Variants in VIL1 observed in about 807,000 individuals in gnomAD.
VIL1 encodes villin-1.
VIL1 carries 86 observed loss-of-function variants against 104.0 expected under a neutral mutation model. The observed-to-expected ratio is 0.83, with a 90% confidence interval of 0.69 to 0.99. The LOEUF (loss-of-function observed/expected upper bound fraction) is 0.99. VIL1 is among the 50% of genes least tolerant of loss of function. The pLI is 0.00. For missense variants in VIL1, 944 were observed against 1,054.1 expected, an observed-to-expected ratio of 0.90 and a Z score of 1.45; for synonymous variants, 394 against 412.6, an observed-to-expected ratio of 0.95 and a Z score of 0.55.
chr2:218,422,396 G>A (rs1157034429), intron 1 of VIL1, among the ~76,000 whole-genome samples: 1 of 152,210 alleles, frequency 6.6e-6, no homozygotes, highest in Admixed American at 6.5e-5. Context: ...TGGGGACTTG[G>A]TAGGTTGAAA....
chr2:218,434,496 T>C, intron 13 of VIL1, 30 bp from the exon 14 acceptor site: 2 of 1,587,738 alleles, frequency 1.3e-6, no homozygotes, highest in Non-Finnish European at 1.7e-6. Flanking sequence ...CTCCTGACTC[T>C]CTCTCCCTGT....
intron 13 of VIL1, among the ~76,000 whole-genome samples, chr2:218,433,154 G>C (rs1240074531): frequency 1.3e-5 from 2 of 152,234 alleles, no homozygotes; most frequent in African/African-American, 4.8e-5. Context: ...CGTGTAATTG[G>C]GCCGGGCATG....
chr2:218,424,171 G>A, intron 2 of VIL1, 106 bp from the exon 3 acceptor site: 1 of 954,158 alleles, frequency 1.0e-6, no homozygotes, highest in Non-Finnish European at 1.6e-6. Flanking sequence ...TTTCATTCCT[G>A]GGCCCGGCTC....
At chr2:218,440,516 C>T (rs1689268493) in intron 18 of VIL1, among the ~76,000 whole-genome samples, 1 of 152,144 alleles carries the variant, frequency 6.6e-6, no homozygotes, top group Non-Finnish European at 1.5e-5. Context: ...GTGATCCACC[C>T]ACCTCAGCCT....
chr2:218,429,828 T>A, intron 8 of VIL1, 21 bp from the exon 9 acceptor site: 1 of 1,609,282 alleles, frequency 6.2e-7, no homozygotes, highest in South Asian at 1.1e-5. Flanking sequence ...TCCATCAGAC[T>A]CTTACCTCTC....
At chr2:218,438,823 T>C in intron 18 of VIL1, 97 bp downstream of exon 18, 2 of 1,002,234 alleles carry the variant, frequency 2.0e-6, no homozygotes, top group Non-Finnish European at 3.0e-6. Flanking sequence ...CAGAGTCCTG[T>C]GCTTTCCCTC....
At chr2:218,434,366 G>A (rs973928604) in intron 13 of VIL1, among the ~76,000 whole-genome samples, 160 bp from the exon 14 acceptor site, 11 of 152,106 alleles carry the variant, frequency 7.2e-5, no homozygotes, top group African/African-American at 2.4e-4. Flanking sequence ...AAAGAGAAAC[G>A]CTGTGATGCA....
At chr2:218,425,523 A>G (rs1688966628) in intron 3 of VIL1, 92 bp from the exon 4 acceptor site, 2 of 1,354,168 alleles carry the variant, frequency 1.5e-6, no homozygotes, top group South Asian at 2.6e-5. Context: ...GCTCCCCCAT[A>G]GTCCTGGACG....
At chr2:218,422,475 C>T (rs1309922141) in intron 1 of VIL1, among the ~76,000 whole-genome samples, 1 of 152,146 alleles carries the variant, frequency 6.6e-6, no homozygotes, top group African/African-American at 2.4e-5. Flanking sequence ...TCAGACAGGA[C>T]CCAAGCCCAA....
At position 218,429,731 on chromosome 2, in the gene VIL1, G is replaced by A. The variant is rs113629852; in HGVS notation, c.849+56G>A. ...TGCAGCCTGGCCCCCTTTCCCTCAA[G>A]CAGGAAAAATTCCAGGGGGCTTGGG... is the stretch of plus-strand genomic sequence containing the variant. On this transcript the variant is annotated intron_variant, in intron 8 of 19. Transcript: ENST00000248444. 2.3e-3 allele frequency: 3,735 copies of A among 1,607,006 alleles called. 86 individuals carry two copies. In the African/African-American group the frequency reaches 0.044, roughly 19 times the overall value.
intron 3 of VIL1, among the ~76,000 whole-genome samples, chr2:218,425,103 CAG>C (rs1688957094): frequency 6.6e-6 from 1 of 150,660 alleles, no homozygotes; most frequent in Non-Finnish European, 1.5e-5. Flanking sequence ...TTTTTTGAGA[CAG>C]AGTCTCGCTC....
rs903227924 is a variant in VIL1 at position 218,452,395 on chromosome 2, T to A, written c.*3059T>A. 28 of 152,118 alleles carry A rather than the reference T, an allele frequency of 1.8e-4. No individual in the cohort carries two copies. Among genetic ancestry groups the A allele is most frequent in the Non-Finnish European group, 3.7e-4 (25 of 68,016 alleles). 9.4% of individuals were successfully genotyped at this position (152,118 alleles called of 1,614,324 possible). On this transcript the variant is annotated 3_prime_UTR_variant, in exon 20 of 20. Coordinates refer to ENST00000248444, the MANE Select transcript of VIL1 (RefSeq NM_007127.3). ...ATAATATATTATCTATTTATAATTT[T>A]AAAATATATACAGCCAGCTCAAAAA...
rs751585257 is a variant in VIL1 at position 218,434,566 on chromosome 2, C to T, written c.1541C>T (p.Ser514Phe). Residue 514 changes from serine to phenylalanine, a missense_variant, in exon 14 of 20, where the codon TCC becomes TTC. By Grantham distance (155) the Ser-to-Phe change is radical. Coordinates refer to ENST00000248444, the MANE Select transcript of VIL1 (RefSeq NM_007127.3). ...ACTAACAACTTGGAGACCGGGCCCTCCACACGGCTGTTCCAGGTCCAGGGA... is the reference window on the plus strand; with the variant it reads ...ACTAACAACTTGGAGACCGGGCCCTTCACACGGCTGTTCCAGGTCCAGGGA... ...SRTNNLETGPSTRLFQVQGTG... is the reference protein window; with the variant it reads ...SRTNNLETGPFTRLFQVQGTG... The T allele has an allele frequency of 6.2e-7, 1 of 1,614,052 alleles. No homozygotes were observed. Among genetic ancestry groups the T allele is most frequent in the South Asian group, 1.1e-5 (1 of 91,074 alleles).
At position 218,428,309 on chromosome 2, in the gene VIL1, CGGAAA is replaced by C; in HGVS notation, c.541_545del (p.Glu181HisfsTer34). ...AAGCTTATCATCCAGTGGAATGGACCGGAAAGCACCCGTATGGAGAGACTCAGGGT... is the reference window on the plus strand; with the variant it reads ...AAGCTTATCATCCAGTGGAATGGACCGCACCCGTATGGAGAGACTCAGGGT... On this transcript the variant is annotated frameshift_variant, in exon 6 of 20. Transcript: ENST00000248444. LOFTEE classifies it high-confidence loss of function. 6.2e-7 allele frequency: 1 copy of C among 1,614,134 alleles called. No homozygotes were observed. Among genetic ancestry groups the C allele is most frequent in the Non-Finnish European group, 8.5e-7 (1 of 1,180,020 alleles).
chr2:218,433,644 C>T (rs1008165719), intron 13 of VIL1, among the ~76,000 whole-genome samples: 7 of 152,052 alleles, frequency 4.6e-5, no homozygotes, highest in Non-Finnish European at 8.8e-5. Context: ...TGGTGGTTCA[C>T]GCCTGTAATC....
Position 218,449,402 on chromosome 2 carries a change from A to G in VIL1, c.*66A>G, listed in dbSNP as rs1574822728. 1.8e-5 allele frequency: 24 copies of G among 1,331,146 alleles called. No homozygotes were observed. The East Asian group carries it at 5.6e-4, about 31-fold the overall frequency. 82.5% of individuals were successfully genotyped at this position (1,331,146 alleles called of 1,614,324 possible). On this transcript the variant is annotated 3_prime_UTR_variant, in exon 20 of 20. Transcript: ENST00000248444. ...TGTAGGGTCTCATTTTCTCACCGAT[A>G]TTAGTCCTACACCAATTGAAGTGAA...
At position 218,425,723 on chromosome 2, in the gene VIL1, G is replaced by A; in HGVS notation, c.259G>A (p.Asp87Asn). Residue 87 changes from aspartate (D) to asparagine (N), a missense_variant, in exon 4 of 20, where the codon GAC becomes AAC. Transcript: ENST00000248444. ...TGCCATCTACACCACACAGATGGATGACTTCCTGAAGGGCCGGGCTGTGCA... is the reference window on the plus strand; with the variant it reads ...TGCCATCTACACCACACAGATGGATAACTTCCTGAAGGGCCGGGCTGTGCA... ...AAAIYTTQMD[D>N]FLKGRAVQHR... 6.2e-7 allele frequency: 1 copy of A among 1,614,220 alleles called. No individual in the cohort carries two copies. The highest frequency in any genetic ancestry group is 8.5e-7 in the Non-Finnish European group (1 of 1,180,036).
Position 218,421,293 on chromosome 2 carries a change from G to A in VIL1, c.-12+2125G>A, listed in dbSNP as rs115952532. On this transcript the variant is annotated intron_variant, in intron 1 of 19. Coordinates refer to ENST00000248444, the MANE Select transcript of VIL1 (RefSeq NM_007127.3). Reference sequence around the variant, plus strand: ...AGTGGGGAGACTCAAGGGAGTTTAGGTGGATGGAAGGGCAGGAGCAGAAAG... The same window carrying A: ...AGTGGGGAGACTCAAGGGAGTTTAGATGGATGGAAGGGCAGGAGCAGAAAG... Among the ~76,000 whole-genome samples, 477 of 152,248 alleles carry A rather than the reference G, an allele frequency of 3.1e-3. 1 individual carries two copies. The highest frequency in any genetic ancestry group is 0.014 in the Middle Eastern group (4 of 294).
rs997555946 is a variant in VIL1, at chr2:218,450,036, T to G, written c.*700T>G. On this transcript the variant is annotated 3_prime_UTR_variant, in exon 20 of 20. Transcript: ENST00000248444. ...GTTTACAAACTTACCCAGAAGCCTC[T>G]GCAAAGCTTCACAGGCTCCTCAGAT... 6.6e-6 allele frequency: 1 copy of G among 152,226 alleles called. No individual in the cohort carries two copies. The highest frequency in any genetic ancestry group is 1.5e-5 in the Non-Finnish European group (1 of 68,050). 9.4% of individuals were successfully genotyped at this position (152,226 alleles called of 1,614,324 possible).
Sources: gnomAD v4.1 joint callset for allele counts (sites outside exome capture counted in the v4.1 genomes callset) on GRCh38, gnomAD v4.1.1 for gene constraint, MANE v1.5 for transcripts, NCBI Gene and HGNC (gene_info 2026-07-23, HGNC 2026-07-21) for gene names.